Variants in KAZN observed in about 807,000 individuals in gnomAD.
KAZN encodes the protein kazrin.
A neutral mutation model predicts 87.4 loss-of-function variants in KAZN; 40 were observed. The observed-to-expected ratio is 0.46, with a 90% CI of 0.36 to 0.60. The LOEUF is 0.60. Among genes scored for constraint, KAZN ranks in the 20% least tolerant of loss-of-function variants. The probability of loss-of-function intolerance (pLI) is 0.00; values close to 1 mark genes in which losing one functional copy is unlikely to be tolerated. For missense variants in KAZN, 898 were observed against 1,073.9 expected (o/e 0.84, Z 2.29); for synonymous variants, 466 against 458.3 (o/e 1.02, Z -0.22).
rs1022653574 is a variant in KAZN at position 15,040,092 on chromosome 1, G to A, written c.556-3897G>A. Among the ~76,000 whole-genome samples the A allele has an allele frequency of 5.3e-5, 8 of 152,314 alleles. No individual in the cohort carries two copies. The South Asian group carries it at 6.2e-4, about 12-fold the overall frequency. ...TTGTTGGGTCCAGCCCCATTTTACA[G>A]GTGGGAAGACTGAGGTCCGCAAGGG... On this transcript the variant is annotated intron_variant, in intron 3 of 14. Coordinates refer to ENST00000376030, the MANE Select transcript of KAZN (RefSeq NM_201628.3).
At chr1:14,495,722 C>A (rs547250881) in intron 2 of KAZN, among the ~76,000 whole-genome samples, 23 of 152,200 alleles carry the variant, frequency 1.5e-4, no homozygotes, top group African/African-American at 5.5e-4. Context: ...ATGAGATGCC[C>A]AGGAACATGT....
chr1:15,002,083 T>C (rs4661559), intron 2 of KAZN, among the ~76,000 whole-genome samples: 62 of 152,078 alleles, frequency 4.1e-4, no homozygotes, highest in African/African-American at 1.4e-3. Flanking sequence ...GGTTTCACCG[T>C]GTTAGCCAGG....
intron 2 of KAZN, among the ~76,000 whole-genome samples, chr1:14,549,771 A>G (rs559306130): frequency 6.8e-6 from 1 of 147,830 alleles, no homozygotes; most frequent in African/African-American, 2.5e-5. Flanking sequence ...CACCAGCGAC[A>G]GGCACAAGGC....
chr1:14,216,639 C>G (rs1008487883), intron 2 of KAZN, among the ~76,000 whole-genome samples: 1 of 152,190 alleles, frequency 6.6e-6, no homozygotes, highest in Non-Finnish European at 1.5e-5. Flanking sequence ...AGCGTGTTGG[C>G]TCATACCTGT....
intron 1 of KAZN, among the ~76,000 whole-genome samples, chr1:14,004,381 C>G (rs1639945493): frequency 6.6e-6 from 1 of 152,044 alleles, no homozygotes; most frequent in Admixed American, 6.6e-5. Flanking sequence ...GTATGTTCAC[C>G]AAAATACATG....
intron 1 of KAZN, among the ~76,000 whole-genome samples, chr1:14,705,298 T>G (rs1642151714): frequency 6.6e-6 from 1 of 152,192 alleles, no homozygotes; most frequent in Non-Finnish European, 1.5e-5. Flanking sequence ...AAAGGCCTTA[T>G]GTCCAAGAGA....
chr1:14,036,078 T>C (rs61777714), intron 1 of KAZN, among the ~76,000 whole-genome samples: 20,307 of 152,198 alleles, frequency 0.13, 1,781 homozygotes, highest in Middle Eastern at 0.25. Context: ...CTAGGCAAAC[T>C]GTGGAAGGCA....
intron 2 of KAZN, among the ~76,000 whole-genome samples, chr1:14,229,231 C>T (rs1421925754): frequency 3.3e-5 from 5 of 152,138 alleles, no homozygotes; most frequent in African/African-American, 4.8e-5. Context: ...GTTTCTCTCT[C>T]CTTAGCTCTC....
intron 1 of KAZN, among the ~76,000 whole-genome samples, chr1:13,994,034 C>T (rs904505158): frequency 1.3e-5 from 2 of 152,154 alleles, no homozygotes; most frequent in Admixed American, 6.5e-5. Flanking sequence ...CCAAAAAGGA[C>T]CTCGTTCCAC....
intron 2 of KAZN, among the ~76,000 whole-genome samples, chr1:14,967,609 G>A (rs1312071058): frequency 6.6e-6 from 1 of 152,246 alleles, no homozygotes; most frequent in Non-Finnish European, 1.5e-5. Context: ...GCCCTTGAAA[G>A]TAGAAGGGGA....
intron 1 of KAZN, among the ~76,000 whole-genome samples, chr1:14,812,026 G>T (rs1350175965): frequency 6.6e-6 from 1 of 152,184 alleles, no homozygotes; most frequent in African/African-American, 2.4e-5. Flanking sequence ...TTTCTGGAAA[G>T]AGGATGTAAG....
chr1:15,080,517 C>T lies in KAZN; in HGVS notation c.1223-13663C>T, dbSNP rs950765043. The stretch of plus-strand genomic sequence containing the variant: ...CTCCTCCTGATGCTCTTCACACCCA[C>T]GCTGTCCCTGGTCCTGTGGGCTACC... On this transcript the variant is annotated intron_variant, in intron 8 of 14. Transcript: ENST00000376030. 3.7e-4 allele frequency among the ~76,000 whole-genome samples: 57 copies of T among 152,292 alleles called. 1 individual carries two copies. The highest frequency in any genetic ancestry group is 1.3e-3 in the African/African-American group (54 of 41,564).
chr1:14,154,743 T>A (rs541528237), intron 1 of KAZN, among the ~76,000 whole-genome samples: 1 of 152,350 alleles, frequency 6.6e-6, no homozygotes, highest in South Asian at 2.1e-4. Context: ...CAGCATCCAT[T>A]GAAATAATTA....
At chr1:14,336,784 A>G (rs761311979) in intron 2 of KAZN, among the ~76,000 whole-genome samples, 6 of 152,190 alleles carry the variant, frequency 3.9e-5, no homozygotes, top group Non-Finnish European at 8.8e-5. Flanking sequence ...TCCTTTGCCC[A>G]TACATAAATT....
rs551477006 is a variant in KAZN at position 14,923,379 on chromosome 1, G to C, written c.227-37305G>C. Among the ~76,000 whole-genome samples the C allele has an allele frequency of 6.6e-6, 1 of 152,194 alleles. No individual in the cohort carries two copies. Among genetic ancestry groups the C allele is most frequent in the African/African-American group, 2.4e-5 (1 of 41,446 alleles). On this transcript the variant is annotated intron_variant, in intron 1 of 14. Coordinates refer to ENST00000376030, the MANE Select transcript of KAZN (RefSeq NM_201628.3). This position sits in a 1 kb window ranked among gnomAD's most constrained non-coding sequence, Gnocchi z 4.2. ...TGCCAGCCTGAACACCCACTCCAGC[G>C]GGTGGGTTCTGTTGTGCAGACCCTC...
chr1:14,451,584 A>AAG (rs5772582), intron 2 of KAZN, among the ~76,000 whole-genome samples: 62,136 of 148,468 alleles, frequency 0.42, 13,519 homozygotes, highest in Middle Eastern at 0.54. Context: ...CAGTTTCAGA[A>AAG]AGAGAGAGAG....
intron 2 of KAZN, among the ~76,000 whole-genome samples, chr1:14,453,668 T>C (rs113690300): frequency 1.3e-5 from 2 of 152,102 alleles, no homozygotes; most frequent in Non-Finnish European, 2.9e-5. Flanking sequence ...AAACCCCATC[T>C]CTACTAAAAA....
intron 2 of KAZN, among the ~76,000 whole-genome samples, chr1:14,429,194 C>A (rs1034228113): frequency 6.6e-6 from 1 of 152,150 alleles, no homozygotes; most frequent in African/African-American, 2.4e-5. Flanking sequence ...AGAGAATGGT[C>A]ATCTCCTAAG....
chr1:14,471,269 CTATAAT>C (rs761514452), intron 2 of KAZN, among the ~76,000 whole-genome samples: 44 of 151,994 alleles, frequency 2.9e-4, no homozygotes, highest in Non-Finnish European at 4.9e-4. Context: ...GGATTTGCCT[CTATAAT>C]TATAATTTCA....
Sources: allele counts gnomAD v4.1 joint callset (sites outside exome capture counted in the v4.1 genomes callset), GRCh38; gene constraint gnomAD v4.1.1; non-coding constraint Gnocchi (gnomAD v3.1); transcripts MANE v1.5; gene names NCBI Gene and HGNC (gene_info 2026-07-23, HGNC 2026-07-21).